TMC5: variants seen among roughly 807,000 people sequenced by gnomAD.
The protein encoded by TMC5 is transmembrane channel-like protein 5.
In TMC5, 86 loss-of-function variants were observed where a neutral mutation model predicts 110.5. The ratio of observed to expected loss-of-function variants is 0.78; its 90% CI spans 0.65 to 0.93. The LOEUF is 0.93. Ranked by LOEUF, TMC5 falls within the 40% of genes least tolerant of loss-of-function variation. TMC5 has a pLI of 0.00. For missense variants in TMC5, 1,144 were observed against 1,222.8 expected (o/e 0.94, Z 0.96); for synonymous variants, 455 against 439.5 (o/e 1.04, Z -0.44).
At chr16:19,485,974 A>G (rs1968730908) in intron 15 of TMC5, among the ~76,000 whole-genome samples, 1 of 152,240 alleles carries the variant, frequency 6.6e-6, no homozygotes, top group Non-Finnish European at 1.5e-5. Flanking sequence ...CATGTGGGAC[A>G]TGCTAGCTTA....
chr16:19,422,810 T>C (rs1237154224), intron 1 of TMC5, among the ~76,000 whole-genome samples: 1 of 151,976 alleles, frequency 6.6e-6, no homozygotes, highest in African/African-American at 2.4e-5. Flanking sequence ...TAGCTGGGCG[T>C]AGTGGTGGGC....
At position 19,421,278 on chromosome 16, in the gene TMC5, C is replaced by T. The variant is rs1966976512; in HGVS notation, c.-308+3186C>T. Among the ~76,000 whole-genome samples the T allele has an allele frequency of 2.6e-5, 4 of 151,458 alleles. No homozygotes were observed. The South Asian group carries it at 6.3e-4, about 24-fold the overall frequency. On this transcript the variant is annotated intron_variant, in intron 1 of 21. Transcript: ENST00000542583. ...ATTTATTTTGATGATATGGTGTGTC[C>T]CCACCCAAATCTCATCTTGAATTAT...
intron 2 of TMC5, among the ~76,000 whole-genome samples, chr16:19,434,308 T>A (rs1435627814): frequency 9.4e-6 from 1 of 105,840 alleles, no homozygotes; most frequent in African/African-American, 3.3e-5. Flanking sequence ...ATGATCTATA[T>A]TATATATATA....
chr16:19,417,379 A>G (rs1245191237), upstream of TMC5, among the ~76,000 whole-genome samples: 2 of 147,946 alleles, frequency 1.4e-5, no homozygotes, highest in African/African-American at 5.0e-5. Context: ...AGATTGTGGC[A>G]CTGCACTCCA....
chr16:19,475,737 T>C (rs1452912546), intron 12 of TMC5, among the ~76,000 whole-genome samples: 5 of 151,932 alleles, frequency 3.3e-5, no homozygotes, highest in Non-Finnish European at 7.4e-5. Context: ...GCACTCTTCC[T>C]TGCACACCCC....
intron 5 of TMC5, among the ~76,000 whole-genome samples, chr16:19,452,738 C>T (rs972027751): frequency 6.6e-6 from 1 of 152,016 alleles, no homozygotes; most frequent in African/African-American, 2.4e-5. Flanking sequence ...CTGTTCAGAT[C>T]CTTCTTGGGC....
intron 15 of TMC5, among the ~76,000 whole-genome samples, chr16:19,484,084 A>G (rs77843200): frequency 6.8e-6 from 1 of 147,110 alleles, no homozygotes; most frequent in African/African-American, 2.5e-5. Flanking sequence ...CTCTGTCTCA[A>G]AAAAAAAAAA....
intron 6 of TMC5, 120 bp downstream of exon 6, chr16:19,460,454 A>G: frequency 1.5e-6 from 1 of 661,538 alleles, no homozygotes; most frequent in Non-Finnish European, 2.5e-6. Context: ...AATATTCCTG[A>G]CAGAAAAATT....
At chr16:19,445,491 C>G (rs888729289) in intron 4 of TMC5, among the ~76,000 whole-genome samples, 1 of 152,118 alleles carries the variant, frequency 6.6e-6, no homozygotes, top group African/African-American at 2.4e-5. Flanking sequence ...ATCCTCCAGT[C>G]TCGGCCTCCC....
At chr16:19,486,835 A>C in intron 15 of TMC5, 110 bp from the exon 16 acceptor site, 1 of 931,162 alleles carries the variant, frequency 1.1e-6, no homozygotes, top group Non-Finnish European at 1.7e-6. Flanking sequence ...TTTTGGGGAC[A>C]CACAATCCAG....
chr16:19,459,047 T>A (rs1473529091), intron 5 of TMC5, among the ~76,000 whole-genome samples: 1 of 148,170 alleles, frequency 6.7e-6, no homozygotes, highest in East Asian at 1.9e-4. Flanking sequence ...GTTTTTTGCT[T>A]TTTTTTTTTT....
At position 19,440,527 on chromosome 16, in the gene TMC5, C is replaced by T. The variant is rs1299886412; in HGVS notation, c.489C>T (p.Tyr163=). ...ATTTTGGCTCCTTAGAACCGGACTA[C>T]CCTGGAGCTCAGAGCAACTCTGATC... is the stretch of plus-strand genomic sequence containing the variant. The part of the protein sequence containing the change: ...PDHFGSLEPD[Y]PGAQSNSDHP... The change falls in exon 3 of 22, where the codon TAC becomes TAT. Residue 163 remains tyrosine (Y), a synonymous_variant. Coordinates refer to ENST00000542583, the MANE Select transcript of TMC5 (RefSeq NM_001261841.2). 1.9e-6 allele frequency: 3 copies of T among 1,614,170 alleles called. No individual in the cohort carries two copies. Among genetic ancestry groups the T allele is most frequent in the Non-Finnish European group, 1.7e-6 (2 of 1,180,028 alleles).
chr16:19,460,198 G>T (rs1567311962), intron 5 of TMC5, 37 bp from the exon 6 acceptor site: 1 of 1,532,152 alleles, frequency 6.5e-7, no homozygotes, highest in East Asian at 2.3e-5. Context: ...TTCTGTTAAA[G>T]AAAAAAGAAA....
At chr16:19,465,927 G>A (rs1416284346) in intron 8 of TMC5, among the ~76,000 whole-genome samples, 155 bp from the exon 9 acceptor site, 2 of 152,162 alleles carry the variant, frequency 1.3e-5, no homozygotes, top group African/African-American at 4.8e-5. Flanking sequence ...GTGACACAAT[G>A]TCCAAATTCT....
chr16:19,495,675 C>T (rs1259416421), intron 20 of TMC5, among the ~76,000 whole-genome samples: 2 of 151,896 alleles, frequency 1.3e-5, no homozygotes. Flanking sequence ...AGACCCCATC[C>T]CTTAAAAAAT....
At chr16:19,438,886 C>A (rs75156988) in intron 2 of TMC5, among the ~76,000 whole-genome samples, 2 of 152,310 alleles carry the variant, frequency 1.3e-5, no homozygotes, top group Admixed American at 6.5e-5. Context: ...GACAGCCTCC[C>A]CAGCCAGAAT....
intron 19 of TMC5, among the ~76,000 whole-genome samples, chr16:19,493,701 T>C (rs1968977371): frequency 6.6e-6 from 1 of 152,168 alleles, no homozygotes; most frequent in African/African-American, 2.4e-5. Flanking sequence ...CCTCAAGTGA[T>C]CCACCTGCCT....
Position 19,479,480 on chromosome 16 carries a change from A to G in TMC5, c.2219A>G (p.Asp740Gly). 2 of 1,613,918 alleles carry G rather than the reference A, an allele frequency of 1.2e-6. No homozygotes were observed. Among genetic ancestry groups the G allele is most frequent in the Non-Finnish European group, 1.7e-6 (2 of 1,179,932 alleles). Residue 740 changes from aspartate (D) to glycine (G), a missense_variant, in exon 14 of 22, where the codon GAT becomes GGT. Asp to Gly is a moderately conservative substitution (Grantham distance 94, BLOSUM62 -1). Transcript: ENST00000542583. ...GACATCTACCGGCTCCTTCTGATGG[A>G]TTTTGTGTTCTCTTTAGTCAATTCC... is the stretch of plus-strand genomic sequence containing the variant. ...GQDIYRLLLM[D>G]FVFSLVNSFL... is the part of the protein sequence containing the mutation.
At chr16:19,440,921 T>C (rs1967473163) in intron 3 of TMC5, 95 bp downstream of exon 3, 1 of 1,275,284 alleles carries the variant, frequency 7.8e-7, no homozygotes. Context: ...AGATTAGGGA[T>C]ATATATGACG....
Sources: gnomAD v4.1 joint callset for allele counts (sites outside exome capture counted in the v4.1 genomes callset) on GRCh38, gnomAD v4.1.1 for gene constraint, MANE v1.5 for transcripts, NCBI Gene and HGNC (gene_info 2026-07-23, HGNC 2026-07-21) for gene names.